Variants in AMBRA1 observed in about 807,000 individuals in gnomAD.
AMBRA1 encodes the protein autophagy and beclin 1 regulator 1.
In AMBRA1, 47 loss-of-function variants were observed where a neutral mutation model predicts 125.4. The observed-to-expected ratio is 0.37, with a 90% CI of 0.30 to 0.48. AMBRA1 has a LOEUF of 0.48. Ranked by LOEUF, AMBRA1 falls within the 20% of genes least tolerant of loss-of-function variation. AMBRA1 has a pLI of 0.99. For missense variants in AMBRA1, 1,331 were observed against 1,693.4 expected, an observed-to-expected ratio of 0.79 and a Z score of 3.76; for synonymous variants, 626 against 655.5, an observed-to-expected ratio of 0.95 and a Z score of 0.69.
chr11:46,509,649 A>G (rs1219005381), intron 8 of AMBRA1, among the ~76,000 whole-genome samples: 1 of 152,196 alleles, frequency 6.6e-6, no homozygotes, highest in Non-Finnish European at 1.5e-5. Flanking sequence ...ACTCACAAGG[A>G]AAGTCCTCTA....
chr11:46,568,803 CTTTTTTTTTT>C (rs774631588), intron 1 of AMBRA1, among the ~76,000 whole-genome samples: 1 of 96,466 alleles, frequency 1.0e-5, no homozygotes, highest in African/African-American at 4.6e-5. Context: ...TCAACCCTAC[CTTTTTTTTTT>C]TTTTTTTTTT....
chr11:46,435,386 G>A (rs538649836), intron 12 of AMBRA1, among the ~76,000 whole-genome samples: 1 of 152,212 alleles, frequency 6.6e-6, no homozygotes, highest in East Asian at 1.9e-4. Flanking sequence ...TTGTCCCAGA[G>A]ATCAAAACCA....
At chr11:46,447,824 G>A (rs1948379529) in intron 11 of AMBRA1, among the ~76,000 whole-genome samples, 1 of 151,998 alleles carries the variant, frequency 6.6e-6, no homozygotes, top group African/African-American at 2.4e-5. Context: ...TTAAAATTAT[G>A]TCTGTCATCT....
rs146977992 is a variant in AMBRA1 at position 46,577,106 on chromosome 11, C to T, written c.-121+16722G>A. Among the ~76,000 whole-genome samples the T allele has an allele frequency of 1.5e-3, 227 of 152,248 alleles. 1 individual carries two copies. Among genetic ancestry groups the T allele is most frequent in the Non-Finnish European group, 2.5e-3 (170 of 68,024 alleles). On this transcript the variant is annotated intron_variant, in intron 1 of 17. Transcript: ENST00000683756. ...TATATTATCATAGGACCTGCAATTC[C>T]ATTCCTACCTAGGTATATTCCTAAA...
In AMBRA1 at chr11:46,557,061, G is replaced by A. The variant is rs183879263; in HGVS notation, c.-120-8561C>T. Among the ~76,000 whole-genome samples, 514 of 151,926 alleles carry A rather than the reference G, an allele frequency of 3.4e-3. 6 individuals carry two copies. The highest frequency in any genetic ancestry group is 0.012 in the African/African-American group (484 of 41,426). On this transcript the variant is annotated intron_variant, in intron 1 of 17. Transcript: ENST00000683756. The stretch of plus-strand genomic sequence containing the variant: ...TGAGGCAGGAGAATCCCTTGAACCC[G>A]GGAGGTGGAAGTTGTGGTGAGCAGA...
intron 7 of AMBRA1, among the ~76,000 whole-genome samples, chr11:46,530,411 G>A (rs1322879938): frequency 6.6e-6 from 1 of 152,202 alleles, no homozygotes; most frequent in African/African-American, 2.4e-5. Context: ...TGGAGGATCT[G>A]GAGGCTCATG....
chr11:46,421,590 C>T (rs1946852266), intron 14 of AMBRA1, among the ~76,000 whole-genome samples: 2 of 152,312 alleles, frequency 1.3e-5, no homozygotes, highest in African/African-American at 4.8e-5. Flanking sequence ...CCAATGGACA[C>T]TTGAACAATG....
At chr11:46,425,575 C>A (rs573542327) in intron 14 of AMBRA1, among the ~76,000 whole-genome samples, 2 of 152,262 alleles carry the variant, frequency 1.3e-5, no homozygotes, top group Non-Finnish European at 2.9e-5. Context: ...GGCGCGGTAG[C>A]TCACGCCTGT....
intron 17 of AMBRA1, 100 bp downstream of exon 17, chr11:46,408,413 C>T: frequency 7.9e-7 from 1 of 1,260,616 alleles, no homozygotes; most frequent in Non-Finnish European, 1.0e-6. Flanking sequence ...AGGTGGGCAT[C>T]ACCCAGACAT....
intron 11 of AMBRA1, 89 bp from the exon 12 acceptor site, chr11:46,443,687 G>C: frequency 8.8e-7 from 1 of 1,140,764 alleles, no homozygotes. Flanking sequence ...ATTAGTAGTG[G>C]GGAGAGAAGA....
In AMBRA1 at chr11:46,400,473, GTTTTTTTTTTTTTTTTTT is replaced by G. The variant is rs553040136; in HGVS notation, c.3404-2548_3404-2531del. ...CCTCATGCTTCTAGTTCTTTCTATA[GTTTTTTTTTTTTTTTTTT>G]TTTTTTTTTTTTTTTTTTGAGACCA... is the stretch of plus-strand genomic sequence containing the variant. On this transcript the variant is annotated intron_variant, in intron 17 of 17. Transcript: ENST00000683756. 1.3e-3 allele frequency among the ~76,000 whole-genome samples: 66 copies of G among 48,894 alleles called. 1 individual carries two copies. Among genetic ancestry groups the G allele is most frequent in the East Asian group, 0.012 (12 of 986 alleles). The allele number at this position is 48,894 out of a possible 152,430, so 32.1% of individuals were successfully genotyped here.
intron 11 of AMBRA1, among the ~76,000 whole-genome samples, chr11:46,470,296 T>G (rs1949528905): frequency 6.6e-6 from 1 of 151,888 alleles, no homozygotes; most frequent in African/African-American, 2.4e-5. Flanking sequence ...TTTTAAAAAA[T>G]CAGCCAGGTT....
intron 12 of AMBRA1, among the ~76,000 whole-genome samples, chr11:46,442,696 C>G (rs968578871): frequency 3.9e-5 from 6 of 152,116 alleles, no homozygotes; most frequent in African/African-American, 9.7e-5. Flanking sequence ...AGATATCAAC[C>G]ATACCATTGA....
chr11:46,519,957 T>C (rs1448740065), intron 7 of AMBRA1, among the ~76,000 whole-genome samples: 1 of 152,050 alleles, frequency 6.6e-6, no homozygotes, highest in Non-Finnish European at 1.5e-5. Context: ...CTGACCAACA[T>C]GGAGAAACCC....
At position 46,428,988 on chromosome 11, in the gene AMBRA1, G is replaced by C. The variant is rs1007522312; in HGVS notation, c.2976+4486C>G. 66 of 1,612,300 alleles carry C rather than the reference G, an allele frequency of 4.1e-5. No homozygotes were observed. In the Middle Eastern group the frequency reaches 5.4e-4, roughly 13 times the overall value. ...GCAAACTGTTCCTTCACGTAGCCTC[G>C]GGACTTGAGAGACTGCATGGCCTTC... On this transcript the variant is annotated intron_variant, in intron 14 of 17. Coordinates refer to ENST00000683756, the MANE Select transcript of AMBRA1 (RefSeq NM_001387011.1).
chr11:46,463,749 C>T (rs537207885), intron 11 of AMBRA1, among the ~76,000 whole-genome samples: 28 of 152,290 alleles, frequency 1.8e-4, no homozygotes, highest in African/African-American at 5.8e-4. Context: ...GCACAGTACT[C>T]GGGGCCCTAA....
intron 12 of AMBRA1, among the ~76,000 whole-genome samples, chr11:46,439,158 G>A (rs529074059): frequency 1.3e-5 from 2 of 152,094 alleles, no homozygotes; most frequent in Admixed American, 1.3e-4. Context: ...CCTGTAGGCC[G>A]AGTTACTTGG....
At chr11:46,444,389 G>T (rs1048514938) in intron 11 of AMBRA1, among the ~76,000 whole-genome samples, 7 of 152,052 alleles carry the variant, frequency 4.6e-5, no homozygotes, top group Non-Finnish European at 8.8e-5. Flanking sequence ...AATAAAAAAT[G>T]GATTTTTTTA....
intron 8 of AMBRA1, among the ~76,000 whole-genome samples, chr11:46,510,914 T>TTCA (rs1951231707): frequency 6.6e-6 from 1 of 152,206 alleles, no homozygotes; most frequent in South Asian, 2.1e-4. Flanking sequence ...ACAACCCTAG[T>TTCA]CTTCCAAGTG....
Sources: allele counts gnomAD v4.1 joint callset (sites outside exome capture counted in the v4.1 genomes callset), GRCh38; gene constraint gnomAD v4.1.1; transcripts MANE v1.5; gene names NCBI Gene and HGNC (gene_info 2026-07-23, HGNC 2026-07-21).